The following ITGA11 variants were observed in gnomAD, a reference collection of about 807,000 sequenced individuals.
ITGA11 encodes the protein integrin subunit alpha 11.
Under a neutral mutation model 141.9 loss-of-function variants are expected in ITGA11, and 97 were observed. That is an observed-to-expected ratio of 0.68 (90% CI 0.58 to 0.81). The LOEUF (loss-of-function observed/expected upper bound fraction) is 0.81, where lower values mean the gene tolerates loss of function less well. ITGA11 is among the 30% of genes least tolerant of loss of function. The pLI, the probability that ITGA11 is intolerant of heterozygous loss-of-function variation, is 0.00. For missense variants in ITGA11, 1,387 were observed against 1,559.2 expected (o/e 0.89, Z 1.86); for synonymous variants, 658 against 624.6 (o/e 1.05, Z -0.80).
intron 1 of ITGA11, among the ~76,000 whole-genome samples, chr15:68,406,470 T>C (rs1896653665): frequency 6.6e-6 from 1 of 152,160 alleles, no homozygotes; most frequent in African/African-American, 2.4e-5. Flanking sequence ...CTTCTTCCCA[T>C]ACCTGCAAGG....
chr15:68,315,535 T>A, intron 22 of ITGA11, 116 bp downstream of exon 22: 1 of 903,026 alleles, frequency 1.1e-6, no homozygotes, highest in East Asian at 2.6e-5. Context: ...GTTGGGGCAG[T>A]GGGGGACAGG....
At chr15:68,344,111 AG>A in intron 10 of ITGA11, among the ~76,000 whole-genome samples, 1 of 152,260 alleles carries the variant, frequency 6.6e-6, no homozygotes, top group South Asian at 2.1e-4. Context: ...CAGGCTTAGG[AG>A]GACCCGAATG....
chr15:68,331,713 G>A, intron 14 of ITGA11, 146 bp downstream of exon 14: 1 of 716,800 alleles, frequency 1.4e-6, no homozygotes, highest in African/African-American at 1.8e-5. Context: ...TTCCACTTGG[G>A]GAAGCATGGC....
At chr15:68,413,448 G>A (rs988648570) in intron 1 of ITGA11, among the ~76,000 whole-genome samples, 1 of 152,128 alleles carries the variant, frequency 6.6e-6, no homozygotes, top group Non-Finnish European at 1.5e-5. Flanking sequence ...GCTGAGACAC[G>A]ACTTACGGTG....
At chr15:68,405,912 GCA>G (rs369810967) in intron 1 of ITGA11, among the ~76,000 whole-genome samples, 3 of 152,108 alleles carry the variant, frequency 2.0e-5, no homozygotes, top group Admixed American at 1.3e-4. Flanking sequence ...GCACGCACGT[GCA>G]CACACACACA....
At chr15:68,420,175 T>C (rs969578409) in intron 1 of ITGA11, among the ~76,000 whole-genome samples, 1 of 152,216 alleles carries the variant, frequency 6.6e-6, no homozygotes, top group Non-Finnish European at 1.5e-5. Context: ...CTGTGGCATA[T>C]AGATGATGTC....
chr15:68,380,341 C>T (rs529204484), intron 2 of ITGA11, among the ~76,000 whole-genome samples: 2 of 152,288 alleles, frequency 1.3e-5, no homozygotes, highest in Non-Finnish European at 2.9e-5. Flanking sequence ...GAGTCACCTG[C>T]CATCTCTGAG....
chr15:68,312,188 G>C (rs1893411013), intron 24 of ITGA11, among the ~76,000 whole-genome samples: 1 of 152,230 alleles, frequency 6.6e-6, no homozygotes, highest in African/African-American at 2.4e-5. Flanking sequence ...GCAGAACCGA[G>C]ACAAAAGGCC....
intron 2 of ITGA11, among the ~76,000 whole-genome samples, chr15:68,372,235 G>T (rs569826434): frequency 6.6e-6 from 1 of 152,298 alleles, no homozygotes; most frequent in South Asian, 2.1e-4. Flanking sequence ...ACATGATTCA[G>T]TCCCAGTTTG....
intron 5 of ITGA11, 97 bp from the exon 6 acceptor site, chr15:68,358,682 G>C (rs1895148817): frequency 7.7e-7 from 1 of 1,301,752 alleles, no homozygotes; most frequent in African/African-American, 1.5e-5. Flanking sequence ...GAATGACTCT[G>C]CTCCATATGT....
At position 68,321,652 on chromosome 15, in the gene ITGA11, T is replaced by C; in HGVS notation, c.2323-149A>G. ...CACCACACTGCTCTGTCTTGTGCTT[T>C]TCCATAGATGCTTCCCTCTTTAAAA... On this transcript the variant is annotated intron_variant, in intron 18 of 29. Coordinates refer to ENST00000315757, the MANE Select transcript of ITGA11 (RefSeq NM_001004439.2). The surrounding 1 kb of genome is among the most constrained non-coding windows in gnomAD (Gnocchi z 4.9). 1 of 462,372 alleles carries C rather than the reference T, an allele frequency of 2.2e-6. No individual in the cohort carries two copies. The highest frequency in any genetic ancestry group is 4.3e-5 in the Admixed American group (1 of 23,466). The allele number at this position is 462,372 out of a possible 1,614,324, so 28.6% of individuals were successfully genotyped here.
chr15:68,371,381 C>T (rs781544789), intron 2 of ITGA11, among the ~76,000 whole-genome samples: 6 of 152,148 alleles, frequency 3.9e-5, no homozygotes, highest in Non-Finnish European at 7.3e-5. Flanking sequence ...TCTCAGGGTG[C>T]CTCTGGGAGA....
In ITGA11 at chr15:68,307,284, A is replaced by C. The variant is rs538179930; in HGVS notation, c.3381+64T>G. 33 of 1,198,768 alleles carry C rather than the reference A, an allele frequency of 2.8e-5. No homozygotes were observed. In the African/African-American group the frequency reaches 4.8e-4, roughly 18 times the overall value. 74.3% of individuals were successfully genotyped at this position (1,198,768 alleles called of 1,614,324 possible). ...TTGTAGGAAAACTCTATAGAGGAGC[A>C]CGGCCAACCCTTTCCCAAGCTGTCC... is the stretch of plus-strand genomic sequence containing the variant. On this transcript the variant is annotated intron_variant, in intron 28 of 29. Coordinates refer to ENST00000315757, the MANE Select transcript of ITGA11 (RefSeq NM_001004439.2). The surrounding 1 kb of genome is among the most constrained non-coding windows in gnomAD (Gnocchi z 6.1).
chr15:68,332,565 A>G lies in ITGA11; in HGVS notation c.1426-87T>C, dbSNP rs1894212432. 2.7e-5 allele frequency: 40 copies of G among 1,472,540 alleles called. No individual in the cohort carries two copies. In the South Asian group the frequency reaches 4.9e-4, roughly 18 times the overall value. 91.2% of individuals were successfully genotyped at this position (1,472,540 alleles called of 1,614,324 possible). On this transcript the variant is annotated intron_variant, in intron 12 of 29. Transcript: ENST00000315757. ...TCGCCTCGCGGGCAGAGGGAAGCCA[A>G]GGTCATCCTTTGACTCAGAATTTTT...
In ITGA11 at chr15:68,397,470, T is replaced by A. The variant is rs865789167; in HGVS notation, c.164+5448A>T. Among the ~76,000 whole-genome samples, 167 of 97,198 alleles carry A rather than the reference T, an allele frequency of 1.7e-3. 3 individuals carry two copies. The highest frequency in any genetic ancestry group is 0.015 in the East Asian group (43 of 2,960). 63.8% of individuals were successfully genotyped at this position (97,198 alleles called of 152,430 possible). On this transcript the variant is annotated intron_variant, in intron 2 of 29. Transcript: ENST00000315757. ...ATAAAATATAAAATTATTAATATTT[T>A]AAAAATATTATAAAATATTTTAAAA...
chr15:68,413,427 A>T (rs955972692), intron 1 of ITGA11, among the ~76,000 whole-genome samples: 2 of 152,196 alleles, frequency 1.3e-5, no homozygotes, highest in Admixed American at 6.5e-5. Context: ...GGAAGTGAGG[A>T]CACCAAGCTG....
At chr15:68,313,708 C>A in intron 23 of ITGA11, 71 bp downstream of exon 23, 2 of 1,174,696 alleles carry the variant, frequency 1.7e-6, no homozygotes, top group Non-Finnish European at 2.5e-6. Flanking sequence ...TCAGAGGATG[C>A]CCCCCCTTAG....
rs147370861 is a variant in ITGA11 at position 68,427,248 on chromosome 15, G to A, written c.52+4767C>T. 1.9e-3 allele frequency among the ~76,000 whole-genome samples: 289 copies of A among 152,316 alleles called. No individual in the cohort carries two copies. The Middle Eastern group carries it at 0.027, about 14-fold the overall frequency. Reference sequence around the variant, plus strand: ...TCAATCAAATATTAAATGATGGGAAGAGTAATAATGCTTCTGTTAGCTGAG... The same window carrying A: ...TCAATCAAATATTAAATGATGGGAAAAGTAATAATGCTTCTGTTAGCTGAG... On this transcript the variant is annotated intron_variant, in intron 1 of 29. Coordinates refer to ENST00000315757, the MANE Select transcript of ITGA11 (RefSeq NM_001004439.2).
At chr15:68,359,836 C>A (rs558195153) in intron 5 of ITGA11, among the ~76,000 whole-genome samples, 1 of 152,272 alleles carries the variant, frequency 6.6e-6, no homozygotes, top group Non-Finnish European at 1.5e-5. Flanking sequence ...ATACACTCTG[C>A]GTCTGGGCAT....
Sources: gnomAD v4.1 joint callset for allele counts (sites outside exome capture counted in the v4.1 genomes callset) on GRCh38, gnomAD v4.1.1 for gene constraint, Gnocchi (gnomAD v3.1) non-coding constraint, MANE v1.5 for transcripts, NCBI Gene and HGNC (gene_info 2026-07-23, HGNC 2026-07-21) for gene names.